The following QTMAN variants were observed in gnomAD, a reference collection of about 807,000 sequenced individuals.
The protein encoded by QTMAN is queuosine-tRNA mannosyltransferase, also known as tRNA-queuosine alpha-mannosyltransferase.
the QTMAN span, among the ~76,000 whole-genome samples, chr2:144,129,476 C>G: frequency 1.3e-5 from 2 of 151,784 alleles, no homozygotes; most frequent in African/African-American, 4.8e-5. Flanking sequence ...TAGTGTGTGA[C>G]CAAGGAAGAA....
At chr2:144,255,775 A>C in the QTMAN span, among the ~76,000 whole-genome samples, 2 of 152,248 alleles carry the variant, frequency 1.3e-5, no homozygotes, top group Admixed American at 6.5e-5. Flanking sequence ...ACAAGGGTGA[A>C]TACATGTCAT....
the QTMAN span, among the ~76,000 whole-genome samples, chr2:143,998,562 G>C: frequency 6.6e-6 from 1 of 151,912 alleles, no homozygotes; most frequent in South Asian, 2.1e-4. Flanking sequence ...AAAAGCTATT[G>C]GATCTCATTC....
At chr2:144,280,060 T>C in the QTMAN span, among the ~76,000 whole-genome samples, 2 of 152,310 alleles carry the variant, frequency 1.3e-5, no homozygotes, top group East Asian at 1.9e-4. Flanking sequence ...TTTTTGGTAA[T>C]AAATGGCCGA....
the QTMAN span, among the ~76,000 whole-genome samples, chr2:144,250,005 T>G: frequency 6.6e-6 from 1 of 152,158 alleles, no homozygotes; most frequent in Non-Finnish European, 1.5e-5. Context: ...GGGAGACTGA[T>G]TTCAAGAGGA....
At chr2:144,001,029 T>C in the QTMAN span, among the ~76,000 whole-genome samples, 9 of 151,942 alleles carry the variant, frequency 5.9e-5, no homozygotes, top group African/African-American at 2.2e-4. Context: ...AGATTTAAGA[T>C]GGCTTACTCA....
At chr2:144,163,141 A>G in the QTMAN span, among the ~76,000 whole-genome samples, 4 of 152,200 alleles carry the variant, frequency 2.6e-5, no homozygotes, top group East Asian at 7.7e-4. Context: ...GTACAAAATT[A>G]TAAATATACT....
chr2:144,145,560 A>C, the QTMAN span: 2 of 1,599,116 alleles, frequency 1.3e-6, no homozygotes, highest in Non-Finnish European at 1.7e-6. Flanking sequence ...TAATGATACA[A>C]TCCATACCTA....
the QTMAN span, among the ~76,000 whole-genome samples, chr2:144,260,505 G>A: frequency 6.6e-6 from 1 of 152,040 alleles, no homozygotes; most frequent in Admixed American, 6.6e-5. Context: ...TTAAGAGCTT[G>A]ATAGGGCAAT....
At chr2:144,133,638 T>C in the QTMAN span, among the ~76,000 whole-genome samples, 1 of 141,016 alleles carries the variant, frequency 7.1e-6, no homozygotes, top group Non-Finnish European at 1.5e-5. Flanking sequence ...ACAAAGATAA[T>C]TAAGAGGAAA....
chr2:144,230,222 A>G, the QTMAN span: 1 of 152,196 alleles, frequency 6.6e-6, no homozygotes, highest in Admixed American at 6.5e-5. Context: ...CAGCGTACAA[A>G]AGGCTTTTAG....
the QTMAN span, among the ~76,000 whole-genome samples, chr2:144,126,601 T>C: frequency 6.6e-6 from 1 of 152,112 alleles, no homozygotes; most frequent in African/African-American, 2.4e-5. Context: ...AGTGAAACAA[T>C]ACACAAAATC....
chr2:144,291,584 T>C, the QTMAN span, among the ~76,000 whole-genome samples: 268 of 152,330 alleles, frequency 1.8e-3, 3 homozygotes, highest in African/African-American at 6.1e-3. Flanking sequence ...CACTTTAACA[T>C]TATATCACTT....
chr2:144,122,484 G>A, the QTMAN span, among the ~76,000 whole-genome samples: 4 of 152,224 alleles, frequency 2.6e-5, no homozygotes, highest in East Asian at 3.9e-4. Context: ...GGTGAATTGC[G>A]GGTGTTTTAC....
At chr2:144,316,775 C>T in the QTMAN span, among the ~76,000 whole-genome samples, 5 of 152,324 alleles carry the variant, frequency 3.3e-5, no homozygotes, top group African/African-American at 1.2e-4. Flanking sequence ...AATCTCCCTA[C>T]ATGTATGCTG....
At chr2:144,016,723 A>G in the QTMAN span, among the ~76,000 whole-genome samples, 1 of 152,142 alleles carries the variant, frequency 6.6e-6, no homozygotes, top group Non-Finnish European at 1.5e-5. Flanking sequence ...CCAAACAAAT[A>G]TAAGAATTCC....
the QTMAN span, among the ~76,000 whole-genome samples, chr2:144,062,286 T>C: frequency 6.6e-6 from 1 of 152,136 alleles, no homozygotes; most frequent in African/African-American, 2.4e-5. Context: ...GAGCACACAG[T>C]GGCCGAGTAA....
the QTMAN span, among the ~76,000 whole-genome samples, chr2:144,012,044 A>G: frequency 2.0e-5 from 3 of 152,028 alleles, no homozygotes; most frequent in African/African-American, 7.2e-5. Flanking sequence ...TGCCATAATC[A>G]TTTCCAATCT....
chr2:144,057,866 A>T, the QTMAN span, among the ~76,000 whole-genome samples: 1 of 152,044 alleles, frequency 6.6e-6, no homozygotes. Flanking sequence ...TTTTCAGAGT[A>T]AGGGTCTCAC....
chr2:144,148,273 C>G, the QTMAN span, among the ~76,000 whole-genome samples: 1 of 151,564 alleles, frequency 6.6e-6, no homozygotes, highest in Non-Finnish European at 1.5e-5. Context: ...CCAAATGCTA[C>G]TACTAATAAT....
Sources: allele counts gnomAD v4.1 joint callset (sites outside exome capture counted in the v4.1 genomes callset), GRCh38; gene constraint gnomAD v4.1.1; transcripts MANE v1.5; gene names NCBI Gene and HGNC (gene_info 2026-07-23, HGNC 2026-07-21).